Variants in ANKS1B observed in about 807,000 individuals in gnomAD.
ANKS1B encodes the protein ankyrin repeat and sterile alpha motif domain containing 1B, also known as ankyrin repeat and sterile alpha motif domain-containing protein 1B.
ANKS1B carries 36 observed loss-of-function variants against 148.3 expected under a neutral mutation model. That is an observed-to-expected ratio of 0.24 (90% CI 0.19 to 0.32). The LOEUF (loss-of-function observed/expected upper bound fraction) is 0.32. ANKS1B is among the 10% of genes least tolerant of loss of function. The pLI is 1.00. For missense variants in ANKS1B, 1,157 were observed against 1,542.6 expected, an observed-to-expected ratio of 0.75 and a Z score of 4.19; for synonymous variants, 542 against 560.8, an observed-to-expected ratio of 0.97 and a Z score of 0.47.
At chr12:99,890,626 T>C (rs2093052816) in intron 1 of ANKS1B, among the ~76,000 whole-genome samples, 1 of 142,074 alleles carries the variant, frequency 7.0e-6, no homozygotes. Flanking sequence ...TGTGTGTGTA[T>C]TCTCTTGTTT....
chr12:98,836,457 C>T (rs2099363923), intron 17 of ANKS1B, among the ~76,000 whole-genome samples: 1 of 152,018 alleles, frequency 6.6e-6, no homozygotes, highest in South Asian at 2.1e-4. Context: ...TTCAAAACGC[C>T]CAAGTTGACA....
chr12:99,735,863 A>G (rs1229024725), intron 8 of ANKS1B, among the ~76,000 whole-genome samples: 2 of 151,690 alleles, frequency 1.3e-5, no homozygotes, highest in Non-Finnish European at 2.9e-5. Context: ...AATCTTCAAC[A>G]AAATACTAGC....
intron 12 of ANKS1B, among the ~76,000 whole-genome samples, chr12:99,363,122 A>G (rs551973817): frequency 2.0e-5 from 3 of 152,064 alleles, no homozygotes; most frequent in African/African-American, 7.2e-5. Context: ...CAGATAAAAG[A>G]CTCCTTCCTC....
intron 1 of ANKS1B, among the ~76,000 whole-genome samples, chr12:99,926,367 G>C (rs139243177): frequency 6.6e-6 from 1 of 152,198 alleles, no homozygotes; most frequent in Non-Finnish European, 1.5e-5. Flanking sequence ...AGTAAAGCAG[G>C]CTGCCCTCCC....
In ANKS1B at chr12:99,916,120, A is replaced by G. The variant is rs1045158936; in HGVS notation, c.134+67984T>C. 2.6e-5 allele frequency among the ~76,000 whole-genome samples: 4 copies of G among 152,200 alleles called. No homozygotes were observed. The East Asian group carries it at 5.8e-4, about 22-fold the overall frequency. ...TTTATATTTGCAAAGAAGACCAAGA[A>G]CTAAACAGAAGATCGATGTTCCTTT... is the stretch of plus-strand genomic sequence containing the variant. On this transcript the variant is annotated intron_variant, in intron 1 of 26. Transcript: ENST00000683438.
At chr12:99,194,093 C>T (rs2153887638) in intron 14 of ANKS1B, among the ~76,000 whole-genome samples, 1 of 152,054 alleles carries the variant, frequency 6.6e-6, no homozygotes, top group Non-Finnish European at 1.5e-5. Flanking sequence ...AGCCACTGCA[C>T]CCAGCCATAT....
chr12:99,474,332 T>C (rs2096283855), intron 10 of ANKS1B, among the ~76,000 whole-genome samples: 1 of 152,124 alleles, frequency 6.6e-6, no homozygotes, highest in African/African-American at 2.4e-5. Flanking sequence ...TTTGCAATTC[T>C]ATTCTGTTAA....
chr12:98,771,334 ATTT>A (rs778548768), intron 25 of ANKS1B, among the ~76,000 whole-genome samples: 2 of 141,274 alleles, frequency 1.4e-5, no homozygotes, highest in African/African-American at 5.2e-5. Context: ...TGTCTGGCTA[ATTT>A]TTTTTTTTTT....
At chr12:99,369,429 A>C (rs181584158) in intron 12 of ANKS1B, among the ~76,000 whole-genome samples, 1 of 152,300 alleles carries the variant, frequency 6.6e-6, no homozygotes, top group East Asian at 1.9e-4. Context: ...TCTAGACTTA[A>C]AGAAACTTGA....
intron 15 of ANKS1B, among the ~76,000 whole-genome samples, chr12:99,122,268 A>C (rs1472610601): frequency 6.6e-6 from 1 of 152,250 alleles, no homozygotes; most frequent in Non-Finnish European, 1.5e-5. Context: ...TAAAAATATT[A>C]ATTAAGAGTA....
At chr12:99,406,316 A>G (rs2094532023) in intron 11 of ANKS1B, among the ~76,000 whole-genome samples, 1 of 146,152 alleles carries the variant, frequency 6.8e-6, no homozygotes. Context: ...TTGAAATTAT[A>G]TCAAGTATCT....
intron 1 of ANKS1B, among the ~76,000 whole-genome samples, chr12:99,878,177 G>A (rs1172703218): frequency 6.6e-6 from 1 of 152,188 alleles, no homozygotes; most frequent in African/African-American, 2.4e-5. Flanking sequence ...TGAGAACTCT[G>A]TGATTCTCAT....
rs570525297 is a variant in ANKS1B at position 99,862,920 on chromosome 12, T to G, written c.135-37531A>C. On this transcript the variant is annotated intron_variant, in intron 1 of 26. Transcript: ENST00000683438. ...CAACACTCTTGGATTCAGTTATTAATTCTTAACAAATGTCCCCAGGGAGCT... is the reference window on the plus strand; with the variant it reads ...CAACACTCTTGGATTCAGTTATTAAGTCTTAACAAATGTCCCCAGGGAGCT... Among the ~76,000 whole-genome samples the G allele has an allele frequency of 5.9e-5, 9 of 152,272 alleles. No individual in the cohort carries two copies. The East Asian group carries it at 1.5e-3, about 26-fold the overall frequency.
chr12:99,542,189 T>C (rs181768116), intron 9 of ANKS1B, among the ~76,000 whole-genome samples: 60 of 152,340 alleles, frequency 3.9e-4, no homozygotes, highest in Non-Finnish European at 7.9e-4. Context: ...CAAACTTTAT[T>C]TGAAATAATG....
Position 99,381,907 on chromosome 12 carries a change from ATTG to A in ANKS1B, c.1756+17721_1756+17723del, listed in dbSNP as rs150499633. Among the ~76,000 whole-genome samples the A allele has an allele frequency of 4.5e-3, 686 of 152,352 alleles. 2 individuals carry two copies. Among genetic ancestry groups the A allele is most frequent in the African/African-American group, 0.016 (649 of 41,584 alleles). On this transcript the variant is annotated intron_variant, in intron 12 of 26. Transcript: ENST00000683438. ...TAAAACAAAACAGTACCTCATTTTAATTGTTGTTGTCCACAAAACTGCTCACTA... is the reference window on the plus strand; with the variant it reads ...TAAAACAAAACAGTACCTCATTTTAATTGTTGTCCACAAAACTGCTCACTA...
At chr12:98,790,586 G>C (rs1385846890) in intron 22 of ANKS1B, among the ~76,000 whole-genome samples, 1 of 152,186 alleles carries the variant, frequency 6.6e-6, no homozygotes, top group Non-Finnish European at 1.5e-5. Context: ...GTCTCCTAAA[G>C]TGCTGGGATT....
At chr12:99,025,873 T>G (rs2153450221) in intron 17 of ANKS1B, among the ~76,000 whole-genome samples, 1 of 152,274 alleles carries the variant, frequency 6.6e-6, no homozygotes, top group Non-Finnish European at 1.5e-5. Flanking sequence ...ATAAGGTGGG[T>G]TAATAGATTA....
At chr12:99,924,910 T>G (rs1285007656) in intron 1 of ANKS1B, among the ~76,000 whole-genome samples, 2 of 152,282 alleles carry the variant, frequency 1.3e-5, no homozygotes, top group Admixed American at 6.5e-5. Flanking sequence ...GTATCCTTGC[T>G]CACTTTTCTT....
At chr12:98,755,142 A>G (rs1190569852) in intron 25 of ANKS1B, among the ~76,000 whole-genome samples, 1 of 152,014 alleles carries the variant, frequency 6.6e-6, no homozygotes, top group African/African-American at 2.4e-5. Flanking sequence ...TGCTCATCCC[A>G]TGGGACCTCA....
Sources: allele counts gnomAD v4.1 joint callset (sites outside exome capture counted in the v4.1 genomes callset), GRCh38; gene constraint gnomAD v4.1.1; transcripts MANE v1.5; gene names NCBI Gene and HGNC (gene_info 2026-07-23, HGNC 2026-07-21).